MACROD2: variants seen among roughly 807,000 people sequenced by gnomAD.
The protein encoded by MACROD2 is mono-ADP ribosylhydrolase 2.
Under a neutral mutation model 70.4 loss-of-function variants are expected in MACROD2, and 36 were observed. The observed-to-expected ratio is 0.51, with a 90% CI of 0.39 to 0.68. The LOEUF (loss-of-function observed/expected upper bound fraction) is 0.68, where lower values mean the gene tolerates loss of function less well. Ranked by LOEUF, MACROD2 falls within the 30% of genes least tolerant of loss-of-function variation. MACROD2 has a pLI of 0.00. For missense variants in MACROD2, 496 were observed against 538.4 expected, an observed-to-expected ratio of 0.92 and a Z score of 0.78; for synonymous variants, 172 against 178.8, an observed-to-expected ratio of 0.96 and a Z score of 0.30.
At chr20:14,190,900 G>A (rs1352536899) in intron 3 of MACROD2, among the ~76,000 whole-genome samples, 2 of 150,476 alleles carry the variant, frequency 1.3e-5, no homozygotes, top group South Asian at 2.1e-4. Context: ...GTAGAGACAG[G>A]GTTTCACCGT....
chr20:14,231,752 A>C (rs990889106), intron 3 of MACROD2, among the ~76,000 whole-genome samples: 1 of 152,228 alleles, frequency 6.6e-6, no homozygotes, highest in African/African-American at 2.4e-5. Flanking sequence ...TTACAGTCCC[A>C]TCAACAGTGT....
At chr20:14,645,867 TAAAA>T (rs900744944) in intron 4 of MACROD2, among the ~76,000 whole-genome samples, 1 of 151,956 alleles carries the variant, frequency 6.6e-6, no homozygotes, top group Non-Finnish European at 1.5e-5. Flanking sequence ...TCAAGGCAGA[TAAAA>T]AACTCCATTT....
At chr20:14,732,364 A>G (rs2071609365) in intron 5 of MACROD2, among the ~76,000 whole-genome samples, 1 of 152,062 alleles carries the variant, frequency 6.6e-6, no homozygotes, top group South Asian at 2.1e-4. Flanking sequence ...GTAAATTAGA[A>G]CCCCAAATGT....
chr20:14,377,582 C>T (rs73268816), intron 3 of MACROD2, among the ~76,000 whole-genome samples: 3 of 152,196 alleles, frequency 2.0e-5, no homozygotes, highest in African/African-American at 7.2e-5. Context: ...TGAGGCTGCT[C>T]CCTGCCTCCT....
chr20:14,868,774 G>T (rs768100599), intron 5 of MACROD2, among the ~76,000 whole-genome samples: 9 of 152,076 alleles, frequency 5.9e-5, no homozygotes, highest in Non-Finnish European at 1.2e-4. Flanking sequence ...AAACATCATG[G>T]TTACAGGCAG....
At chr20:15,769,275 G>C (rs2051582231) in intron 8 of MACROD2, among the ~76,000 whole-genome samples, 1 of 152,114 alleles carries the variant, frequency 6.6e-6, no homozygotes, top group African/African-American at 2.4e-5. Flanking sequence ...AGCCTCTCGA[G>C]TAGCTGGAAT....
chr20:15,530,634 A>C (rs1014489005), intron 8 of MACROD2, among the ~76,000 whole-genome samples: 86 of 149,182 alleles, frequency 5.8e-4, no homozygotes, highest in Non-Finnish European at 2.1e-4. Flanking sequence ...CAGGAGGCTG[A>C]GGCAGGAGAA....
chr20:15,134,816 G>A (rs1041796726), intron 5 of MACROD2, among the ~76,000 whole-genome samples: 11 of 151,956 alleles, frequency 7.2e-5, no homozygotes, highest in African/African-American at 1.9e-4. Flanking sequence ...TTGATAGACC[G>A]CTAGCAAGAC....
At chr20:15,559,323 T>C (rs973897250) in intron 8 of MACROD2, among the ~76,000 whole-genome samples, 1 of 148,012 alleles carries the variant, frequency 6.8e-6, no homozygotes, top group African/African-American at 2.5e-5. Flanking sequence ...CAAGAGTGAA[T>C]AAAATATTAA....
chr20:14,340,623 G>A (rs894989165), intron 3 of MACROD2, among the ~76,000 whole-genome samples: 5 of 152,084 alleles, frequency 3.3e-5, no homozygotes, highest in Middle Eastern at 6.8e-3. Context: ...ATGACCTCAT[G>A]TTCCCAGAAC....
intron 3 of MACROD2, among the ~76,000 whole-genome samples, chr20:14,150,343 C>G (rs2055001355): frequency 6.6e-6 from 1 of 152,144 alleles, no homozygotes; most frequent in African/African-American, 2.4e-5. Flanking sequence ...TTCTAGTAAC[C>G]TGTTCTATTG....
chr20:15,676,999 C>T (rs1048345441), intron 8 of MACROD2, among the ~76,000 whole-genome samples: 1 of 152,170 alleles, frequency 6.6e-6, no homozygotes, highest in Non-Finnish European at 1.5e-5. Context: ...TAACTATTTG[C>T]ATAATATAAC....
intron 8 of MACROD2, among the ~76,000 whole-genome samples, chr20:15,660,878 T>G (rs555882742): frequency 3.7e-4 from 57 of 152,288 alleles, no homozygotes; most frequent in South Asian, 3.1e-3. Context: ...AGCCTTTAGT[T>G]TGTAAATTTT....
intron 5 of MACROD2, among the ~76,000 whole-genome samples, chr20:14,718,190 G>A (rs2071418659): frequency 6.7e-6 from 1 of 148,578 alleles, no homozygotes; most frequent in African/African-American, 2.5e-5. Context: ...CTACTCAGGA[G>A]GCTGAGGCAG....
intron 15 of MACROD2, among the ~76,000 whole-genome samples, chr20:16,001,256 C>T (rs778137064): frequency 1.3e-5 from 2 of 152,136 alleles, no homozygotes; most frequent in Non-Finnish European, 2.9e-5. Flanking sequence ...ATCGATTTCA[C>T]CATGAGGATT....
chr20:14,235,458 A>G (rs564258262), intron 3 of MACROD2, among the ~76,000 whole-genome samples: 7 of 152,192 alleles, frequency 4.6e-5, no homozygotes, highest in Non-Finnish European at 8.8e-5. Context: ...AACATCAGGC[A>G]GTAGAACTCC....
intron 8 of MACROD2, among the ~76,000 whole-genome samples, chr20:15,631,999 T>A (rs2049298113): frequency 6.6e-6 from 1 of 151,658 alleles, no homozygotes; most frequent in African/African-American, 2.4e-5. Context: ...GTTAGCTGGG[T>A]GTAGTGACGG....
intron 3 of MACROD2, among the ~76,000 whole-genome samples, chr20:14,483,130 GTGAT>G (rs1288231503): frequency 3.3e-5 from 5 of 152,094 alleles, no homozygotes; most frequent in Non-Finnish European, 7.4e-5. Context: ...TAATTATCTG[GTGAT>G]TACTTTTAGC....
chr20:14,812,528 C>T (rs1023326764), intron 5 of MACROD2, among the ~76,000 whole-genome samples: 6 of 151,858 alleles, frequency 4.0e-5, no homozygotes, highest in Admixed American at 3.3e-4. Flanking sequence ...ATGTAACAAA[C>T]CTGCACGTTC....
Sources: gnomAD v4.1 joint callset for allele counts (sites outside exome capture counted in the v4.1 genomes callset) on GRCh38, gnomAD v4.1.1 for gene constraint, MANE v1.5 for transcripts, NCBI Gene and HGNC (gene_info 2026-07-23, HGNC 2026-07-21) for gene names.